AKAP13: variants seen among roughly 807,000 people sequenced by gnomAD.
AKAP13 encodes the protein A-kinase anchoring protein 13.
AKAP13 carries 80 observed loss-of-function variants against 264.5 expected under a neutral mutation model. The observed-to-expected ratio is 0.30, with a 90% CI of 0.25 to 0.36. The LOEUF (loss-of-function observed/expected upper bound fraction) is 0.36. Among genes scored for constraint, AKAP13 ranks in the 10% least tolerant of loss-of-function variants. The pLI, the probability that AKAP13 is intolerant of heterozygous loss-of-function variation, is 1.00. For synonymous variants in AKAP13, 1,380 were observed against 1,250.2 expected, an observed-to-expected ratio of 1.10 and a Z score of -2.19; for missense variants, 3,712 against 3,435.2, an observed-to-expected ratio of 1.08 and a Z score of -2.01.
At chr15:85,606,545 A>T (rs935638505) in intron 8 of AKAP13, among the ~76,000 whole-genome samples, 10 of 152,224 alleles carry the variant, frequency 6.6e-5, no homozygotes, top group African/African-American at 2.4e-4. Flanking sequence ...GACTTGTACA[A>T]CAGGCCCCTA....
rs370788183 is a variant in AKAP13, at chr15:85,682,182, T to A, written c.5126T>A (p.Phe1709Tyr). 3.0e-5 allele frequency: 48 copies of A among 1,613,486 alleles called. No individual in the cohort carries two copies. Among genetic ancestry groups the A allele is most frequent in the Non-Finnish European group, 3.9e-5 (46 of 1,179,954 alleles). Residue 1709 changes from phenylalanine (F) to tyrosine (Y), a missense_variant, in exon 15 of 37, where the codon TTC becomes TAC. By Grantham distance (22) the Phe-to-Tyr change is conservative (BLOSUM62 3). Transcript: ENST00000394518. ...LDNSRPFHST[F>Y]HNTSANLTES... ...GATTCACGGCCCTTCCACAGTACCTTCCACAATACCAGTGCTAATCTGACT... is the reference window on the plus strand; with the variant it reads ...GATTCACGGCCCTTCCACAGTACCTACCACAATACCAGTGCTAATCTGACT...
intron 1 of AKAP13, among the ~76,000 whole-genome samples, chr15:85,388,136 A>G (rs970279938): frequency 6.6e-6 from 1 of 151,772 alleles, no homozygotes; most frequent in Non-Finnish European, 1.5e-5. Flanking sequence ...CCCAGGTTCA[A>G]GTGATTCTCG....
At chr15:85,553,101 T>C (rs1477686668) in intron 5 of AKAP13, among the ~76,000 whole-genome samples, 3 of 150,684 alleles carry the variant, frequency 2.0e-5, no homozygotes, top group Admixed American at 6.6e-5. Context: ...TTTTTTTTTT[T>C]TGGAGACGGA....
At chr15:85,742,968 C>CA (rs1711904954) in intron 35 of AKAP13, among the ~76,000 whole-genome samples, 2 of 152,234 alleles carry the variant, frequency 1.3e-5, no homozygotes, top group Admixed American at 1.3e-4. Flanking sequence ...GGTGCTTTGA[C>CA]AAAGGAGGGT....
intron 5 of AKAP13, among the ~76,000 whole-genome samples, chr15:85,550,542 C>A (rs78803399): frequency 1.3e-5 from 2 of 152,150 alleles, no homozygotes; most frequent in African/African-American, 4.8e-5. Context: ...CACAATGGAA[C>A]CAAGTGCTAT....
At chr15:85,556,592 A>T (rs985128664) in intron 5 of AKAP13, among the ~76,000 whole-genome samples, 3 of 152,204 alleles carry the variant, frequency 2.0e-5, no homozygotes, top group African/African-American at 7.2e-5. Flanking sequence ...ACCAGGACTC[A>T]CAAAGCTCTG....
rs368350672 is a variant in AKAP13 at position 85,560,486 on chromosome 15, A to G, written c.663-14645A>G. Among the ~76,000 whole-genome samples the G allele has an allele frequency of 5.3e-5, 8 of 152,262 alleles. No individual in the cohort carries two copies. In the South Asian group the frequency reaches 1.7e-3, roughly 32 times the overall value. On this transcript the variant is annotated intron_variant, in intron 5 of 36. Coordinates refer to ENST00000394518, the MANE Select transcript of AKAP13 (RefSeq NM_007200.5). ...TAATAATTAAGTTGTACATAATAAT[A>G]TTCATGATGCACCTGCATAAGACAG... is the stretch of plus-strand genomic sequence containing the variant.
rs576808444 is a variant in AKAP13 at position 85,599,719 on chromosome 15, A to G, written c.4161+13896A>G. Among the ~76,000 whole-genome samples, 3 of 152,304 alleles carry G rather than the reference A, an allele frequency of 2.0e-5. No homozygotes were observed. The East Asian group carries it at 5.8e-4, about 29-fold the overall frequency. ...GAAGGAAGAGGGGTTAAATAAAAAC[A>G]AAATAATGCATACCTTTTATGAATA... On this transcript the variant is annotated intron_variant, in intron 8 of 36. Transcript: ENST00000394518.
intron 1 of AKAP13, among the ~76,000 whole-genome samples, chr15:85,403,941 A>G (rs143599032): frequency 5.9e-4 from 90 of 152,006 alleles, no homozygotes; most frequent in African/African-American, 1.8e-3. Flanking sequence ...GTACCACATG[A>G]TGAAATCAGG....
At chr15:85,582,934 TG>T (rs1195222266) in intron 7 of AKAP13, 9 of 985,350 alleles carry the variant, frequency 9.1e-6, no homozygotes, top group Non-Finnish European at 1.1e-5. Flanking sequence ...GTTCCATCTG[TG>T]GGTAACCATG....
intron 2 of AKAP13, among the ~76,000 whole-genome samples, chr15:85,521,151 C>T (rs1370503680): frequency 1.3e-5 from 2 of 152,208 alleles, no homozygotes; most frequent in Non-Finnish European, 2.9e-5. Context: ...AGTTTTCCTT[C>T]ATCTTGTTGA....
intron 16 of AKAP13, among the ~76,000 whole-genome samples, chr15:85,686,937 C>G (rs1278163194): frequency 2.0e-5 from 3 of 152,144 alleles, no homozygotes; most frequent in Non-Finnish European, 4.4e-5. Flanking sequence ...TGCTTTAAAA[C>G]TACTGAATCT....
intron 19 of AKAP13, among the ~76,000 whole-genome samples, chr15:85,714,591 G>A (rs970882153): frequency 1.3e-4 from 20 of 152,242 alleles, no homozygotes; most frequent in African/African-American, 4.8e-4. Flanking sequence ...ATATCTAACA[G>A]GCACTCCAGA....
At chr15:85,725,095 A>G (rs181174773) in intron 26 of AKAP13, among the ~76,000 whole-genome samples, 23 of 152,270 alleles carry the variant, frequency 1.5e-4, no homozygotes, top group Admixed American at 4.6e-4. Context: ...TCCTTTACAT[A>G]GCAATTTATT....
chr15:85,635,125 T>C, intron 8 of AKAP13: 2 of 398,214 alleles, frequency 5.0e-6, no homozygotes, highest in Non-Finnish European at 8.9e-6. Flanking sequence ...TGTTTGACAT[T>C]ATGAAAAACT....
chr15:85,741,159 G>A lies in AKAP13; in HGVS notation c.7722G>A (p.Gln2574=). 3 of 1,613,194 alleles carry A rather than the reference G, an allele frequency of 1.9e-6. No homozygotes were observed. The highest frequency in any genetic ancestry group is 8.5e-7 in the Non-Finnish European group (1 of 1,179,586). ...RPSSLIEQEK[Q]RSLEKQRQDL... ...GCTCCCTCATTGAGCAGGAGAAGCA[G>A]CGCAGCCTGGAGAAGCAGCGCCAGG... The change falls in exon 35 of 37, where the codon CAG becomes CAA. Residue 2574 remains glutamine, a synonymous_variant. Transcript: ENST00000394518.
intron 16 of AKAP13, among the ~76,000 whole-genome samples, chr15:85,689,229 C>T (rs1202546659): frequency 6.6e-6 from 1 of 152,160 alleles, no homozygotes; most frequent in Non-Finnish European, 1.5e-5. Flanking sequence ...CTCCTAGGTC[C>T]TGTGGTCTGT....
intron 10 of AKAP13, among the ~76,000 whole-genome samples, chr15:85,653,934 C>T (rs925343632): frequency 2.6e-5 from 4 of 152,172 alleles, no homozygotes; most frequent in South Asian, 4.1e-4. Flanking sequence ...CTCCTTCCCT[C>T]GCTCCCTCTC....
chr15:85,400,206 AG>A (rs892149885), intron 1 of AKAP13, among the ~76,000 whole-genome samples: 55 of 152,286 alleles, frequency 3.6e-4, no homozygotes, highest in African/African-American at 1.3e-3. Flanking sequence ...CCAGGAGTTC[AG>A]GACCAGCCTG....
Sources: allele counts gnomAD v4.1 joint callset (sites outside exome capture counted in the v4.1 genomes callset), GRCh38; gene constraint gnomAD v4.1.1; transcripts MANE v1.5; gene names NCBI Gene and HGNC (gene_info 2026-07-23, HGNC 2026-07-21).